IGF1R: variants seen among roughly 807,000 people sequenced by gnomAD.
IGF1R encodes the protein insulin-like growth factor 1 receptor.
Under a neutral mutation model 144.6 loss-of-function variants are expected in IGF1R, and 44 were observed. That is an observed-to-expected ratio of 0.30 (90% CI 0.24 to 0.39). The LOEUF (loss-of-function observed/expected upper bound fraction) is 0.39. IGF1R is among the 10% of genes least tolerant of loss of function. IGF1R has a pLI of 1.00. For missense variants in IGF1R, 1,355 were observed against 1,833.7 expected, an observed-to-expected ratio of 0.74 and a Z score of 4.77; for synonymous variants, 795 against 722.8, an observed-to-expected ratio of 1.10 and a Z score of -1.60.
intron 2 of IGF1R, among the ~76,000 whole-genome samples, chr15:98,731,080 A>G (rs1019290182): frequency 7.2e-5 from 11 of 152,228 alleles, no homozygotes; most frequent in Admixed American, 7.2e-4. Context: ...GGTCTGTTCT[A>G]AAAGGCCCTA....
intron 12 of IGF1R, 137 bp from the exon 13 acceptor site, chr15:98,924,388 T>G: frequency 1.2e-6 from 1 of 856,126 alleles, no homozygotes; most frequent in East Asian, 2.4e-5. Context: ...TTCTTTGTCT[T>G]TACTGACACT....
intron 1 of IGF1R, chr15:98,660,510 C>CG (rs1178708876): frequency 6.6e-6 from 1 of 152,178 alleles, no homozygotes; most frequent in Non-Finnish European, 1.5e-5. Flanking sequence ...GCTGAAGAAA[C>CG]GGAAGACTTC....
rs35793845 is a variant in IGF1R at position 98,702,033 on chromosome 15, GTTTTT to G, written c.95-5512_95-5508del. 1.2e-3 allele frequency among the ~76,000 whole-genome samples: 135 copies of G among 108,700 alleles called. 4 individuals are homozygous for G. The South Asian group carries it at 0.026, about 21-fold the overall frequency. 71.3% of individuals were successfully genotyped at this position (108,700 alleles called of 152,430 possible). On this transcript the variant is annotated intron_variant, in intron 1 of 20. Coordinates refer to ENST00000650285, the MANE Select transcript of IGF1R (RefSeq NM_000875.5). The stretch of plus-strand genomic sequence containing the variant: ...ACTCTGGGCTCATGGGAGTCACGCT[GTTTTT>G]TTTTTTTTTTTTTTTTCCTAGGACC...
At chr15:98,826,871 A>C (rs1478797422) in intron 2 of IGF1R, among the ~76,000 whole-genome samples, 2 of 152,252 alleles carry the variant, frequency 1.3e-5, no homozygotes, top group Admixed American at 1.3e-4. Flanking sequence ...GCAATAAAGT[A>C]TTAAGAGCTG....
intron 20 of IGF1R, 122 bp downstream of exon 20, chr15:98,948,830 G>C: frequency 5.1e-6 from 6 of 1,187,824 alleles, no homozygotes; most frequent in Non-Finnish European, 6.2e-6. Context: ...CCCTTGCCAG[G>C]CGTGGCTAAG....
At chr15:98,929,970 A>G (rs1183990288) in intron 14 of IGF1R, among the ~76,000 whole-genome samples, 1 of 152,202 alleles carries the variant, frequency 6.6e-6, no homozygotes. Context: ...TTTATTTCCA[A>G]TGAAGTAAAG....
chr15:98,726,095 G>T (rs1290293180), intron 2 of IGF1R, among the ~76,000 whole-genome samples: 9 of 152,210 alleles, frequency 5.9e-5, no homozygotes, highest in Non-Finnish European at 8.8e-5. Flanking sequence ...CAATGACTAG[G>T]TGCCAGGCAC....
intron 2 of IGF1R, among the ~76,000 whole-genome samples, chr15:98,777,844 G>A (rs539440002): frequency 8.5e-5 from 13 of 152,350 alleles, no homozygotes; most frequent in South Asian, 6.2e-4. Context: ...AGTGGCACAC[G>A]TTTACTGTAA....
At chr15:98,812,383 G>T (rs1441456013) in intron 2 of IGF1R, among the ~76,000 whole-genome samples, 3 of 150,070 alleles carry the variant, frequency 2.0e-5, no homozygotes, top group Admixed American at 2.0e-4. Flanking sequence ...TCAAGGCAGA[G>T]TCTTACTCTG....
chr15:98,671,942 G>A (rs2052903869), intron 1 of IGF1R, among the ~76,000 whole-genome samples: 1 of 152,170 alleles, frequency 6.6e-6, no homozygotes, highest in Non-Finnish European at 1.5e-5. Flanking sequence ...AAGGCGATAA[G>A]TCGAAAGAAC....
chr15:98,961,397 C>T lies in IGF1R; in HGVS notation c.*3955C>T. ...CCCATCATAGCAAATGCTTCAGAAA[C>T]ACCTCAATAAAAGAGAAAACTTGGC... is the stretch of plus-strand genomic sequence containing the variant. On this transcript the variant is annotated 3_prime_UTR_variant, in exon 21 of 21. Transcript: ENST00000650285. The T allele has an allele frequency of 4.3e-6, 1 of 233,494 alleles. No homozygotes were observed. Among genetic ancestry groups the T allele is most frequent in the Non-Finnish European group, 8.5e-6 (1 of 117,976 alleles). The allele number at this position is 233,494 out of a possible 1,614,324, so 14.5% of individuals were successfully genotyped here.
rs76274164 is a variant in IGF1R, at chr15:98,814,997, A to C, written c.641-76328A>C. ...GTAGCAGTTATAAAGTTGTTAGTTT[A>C]ATCTTTTAGTTCAGCTTTTTTTCTT... On this transcript the variant is annotated intron_variant, in intron 2 of 20. Coordinates refer to ENST00000650285, the MANE Select transcript of IGF1R (RefSeq NM_000875.5). Among the ~76,000 whole-genome samples, 1,337 of 152,200 alleles carry C rather than the reference A, an allele frequency of 8.8e-3. 24 individuals are homozygous for C. Among genetic ancestry groups the C allele is most frequent in the African/African-American group, 0.03 (1,250 of 41,448 alleles).
chr15:98,755,445 A>T (rs1309186455), intron 2 of IGF1R, among the ~76,000 whole-genome samples: 1 of 152,156 alleles, frequency 6.6e-6, no homozygotes, highest in East Asian at 1.9e-4. Context: ...GGTACTATAG[A>T]AAAGTGTATT....
chr15:98,937,371 G>C (rs2016194314), intron 17 of IGF1R, among the ~76,000 whole-genome samples: 1 of 152,160 alleles, frequency 6.6e-6, no homozygotes, highest in Non-Finnish European at 1.5e-5. Context: ...CCTTGGTCCT[G>C]GCTCTGCGGC....
intron 4 of IGF1R, among the ~76,000 whole-genome samples, chr15:98,899,126 A>G (rs2014344366): frequency 6.6e-6 from 1 of 152,250 alleles, no homozygotes; most frequent in Non-Finnish European, 1.5e-5. Context: ...TGTGGGGGCC[A>G]TACTGTCTGT....
In IGF1R at chr15:98,776,284, CA is replaced by C. The variant is rs1037023515; in HGVS notation, c.640+68178del. On this transcript the variant is annotated intron_variant, in intron 2 of 20. Transcript: ENST00000650285. The stretch of plus-strand genomic sequence containing the variant: ...ACTGCAACCTCCGCCTCCCGGGTTC[CA>C]GCAATTCTCCTGCCTCGGCCTTCTG... Among the ~76,000 whole-genome samples the C allele has an allele frequency of 1.3e-4, 20 of 151,668 alleles. No individual in the cohort carries two copies. In the East Asian group the frequency reaches 2.5e-3, roughly 19 times the overall value.
chr15:98,879,160 G>A (rs951151082), intron 2 of IGF1R, among the ~76,000 whole-genome samples: 3 of 152,046 alleles, frequency 2.0e-5, no homozygotes, highest in East Asian at 1.9e-4. Flanking sequence ...ATTTTTTGTC[G>A]TTACCATTAT....
intron 2 of IGF1R, among the ~76,000 whole-genome samples, chr15:98,870,626 A>G (rs1664760090): frequency 6.6e-6 from 1 of 152,186 alleles, no homozygotes; most frequent in African/African-American, 2.4e-5. Flanking sequence ...GTGTTTGTGT[A>G]TCCCCATCAT....
At chr15:98,900,313 T>G (rs2014418547) in intron 5 of IGF1R, among the ~76,000 whole-genome samples, 1 of 152,182 alleles carries the variant, frequency 6.6e-6, no homozygotes. Flanking sequence ...CTCTTTAAAC[T>G]CTCCCTTTTA....
Sources: gnomAD v4.1 joint callset for allele counts (sites outside exome capture counted in the v4.1 genomes callset) on GRCh38, gnomAD v4.1.1 for gene constraint, MANE v1.5 for transcripts, NCBI Gene and HGNC (gene_info 2026-07-23, HGNC 2026-07-21) for gene names.